Variants in NHS observed in about 807,000 individuals in gnomAD.
NHS encodes actin remodeling regulator NHS.
NHS carries 5 observed loss-of-function variants against 72.5 expected under a neutral mutation model. The observed-to-expected ratio is 0.07, with a 90% CI of 0.04 to 0.14. NHS has a LOEUF of 0.14. Ranked by LOEUF, NHS falls within the 10% of genes least tolerant of loss-of-function variation. The pLI is 1.00. For missense variants in NHS, 1,072 were observed against 1,355.7 expected (o/e 0.79, Z 3.29); for synonymous variants, 464 against 547.7 (o/e 0.85, Z 2.13).
At chrX:17,561,573 C>CACACAT (rs1569282044) in intron 1 of NHS, among the ~76,000 whole-genome samples, 1 of 72,939 alleles carries the variant, frequency 1.4e-5, no homozygotes, top group African/African-American at 6.0e-5. Context: ...CGCGCGCGCG[C>CACACAT]GCACACACAC....
chrX:17,664,126 A>G (rs1339101053), intron 1 of NHS, among the ~76,000 whole-genome samples: 2 of 111,493 alleles, frequency 1.8e-5, no homozygotes, highest in Admixed American at 1.9e-4. Context: ...TATTGCAAAT[A>G]TTTACTCCCA....
intron 3 of NHS, among the ~76,000 whole-genome samples, chrX:17,716,095 A>C (rs898533785): frequency 9.0e-6 from 1 of 111,282 alleles, no homozygotes; most frequent in Non-Finnish European, 1.9e-5. Flanking sequence ...GTGTAACCCA[A>C]GGAGACCTTA....
intron 1 of NHS, among the ~76,000 whole-genome samples, chrX:17,474,230 T>C (rs771704330): frequency 8.9e-6 from 1 of 112,150 alleles, no homozygotes; most frequent in East Asian, 2.8e-4. Context: ...TTTACTCTTG[T>C]ATGAACTGAA....
chrX:17,410,963 T>C (rs1408902650), intron 1 of NHS, among the ~76,000 whole-genome samples: 1 of 111,616 alleles, frequency 9.0e-6, no homozygotes, highest in Non-Finnish European at 1.9e-5. Flanking sequence ...TGGAGATACG[T>C]CCAACTATAA....
At chrX:17,536,775 T>C (rs1031777274) in intron 1 of NHS, among the ~76,000 whole-genome samples, 13 of 112,528 alleles carry the variant, frequency 1.2e-4, no homozygotes, top group African/African-American at 2.9e-4. Flanking sequence ...AAACTTTCTA[T>C]AAATGGGTAC....
At chrX:17,563,435 C>T (rs1248504320) in intron 1 of NHS, among the ~76,000 whole-genome samples, 1 of 112,444 alleles carries the variant, frequency 8.9e-6, no homozygotes, top group Non-Finnish European at 1.9e-5. Flanking sequence ...GGCCAACGGC[C>T]CTTCTGTTCC....
At position 17,693,765 on chromosome X, in the gene NHS, A is replaced by C. The variant is rs557476282; in HGVS notation, c.852+1297A>C. On this transcript the variant is annotated intron_variant, in intron 3 of 8. Coordinates refer to ENST00000676302, the MANE Select transcript of NHS (RefSeq NM_001291867.2). The stretch of plus-strand genomic sequence containing the variant: ...TGCACTTACTACATTGCTGCACTGC[A>C]GCCCAAGGATAAGAAAAGGAGACAA... 8.4e-4 allele frequency among the ~76,000 whole-genome samples: 95 copies of C among 113,021 alleles called. No homozygotes were observed. The South Asian group carries it at 0.012, about 15-fold the overall frequency.
chrX:17,507,752 A>G (rs762739367), intron 1 of NHS, among the ~76,000 whole-genome samples: 4 of 111,777 alleles, frequency 3.6e-5, no homozygotes, highest in Non-Finnish European at 1.9e-5. Flanking sequence ...TAGCTGAGCA[A>G]AAGGTGTGTG....
intron 1 of NHS, among the ~76,000 whole-genome samples, chrX:17,622,584 TC>T (rs757517650): frequency 3.6e-5 from 4 of 112,327 alleles, no homozygotes; most frequent in African/African-American, 1.3e-4. Flanking sequence ...AGGCCCTAGG[TC>T]CTGAGGCTGC....
intron 1 of NHS, among the ~76,000 whole-genome samples, chrX:17,385,826 T>A (rs1374764322): frequency 1.8e-5 from 2 of 112,483 alleles, no homozygotes; most frequent in African/African-American, 6.5e-5. Context: ...TCTAAAGATA[T>A]CTGTGCCTAC....
intron 1 of NHS, among the ~76,000 whole-genome samples, chrX:17,588,903 T>C (rs1392773954): frequency 8.9e-6 from 1 of 111,855 alleles, no homozygotes; most frequent in Non-Finnish European, 1.9e-5. Flanking sequence ...GAGCATGAGA[T>C]TGGGAATCAC....
Position 17,713,204 on chromosome X carries a change from G to A in NHS, c.853-6140G>A, listed in dbSNP as rs2066345264. On this transcript the variant is annotated intron_variant, in intron 3 of 8. Transcript: ENST00000676302. Reference sequence around the variant, plus strand: ...GAAGCCTTTGAGAAAGATCAAAGGAGTTCATATTTATATATGATACATCCA... The same window carrying A: ...GAAGCCTTTGAGAAAGATCAAAGGAATTCATATTTATATATGATACATCCA... Among the ~76,000 whole-genome samples the A allele has an allele frequency of 3.6e-5, 4 of 111,876 alleles. No homozygotes were observed. The South Asian group carries it at 1.5e-3, about 42-fold the overall frequency.
intron 1 of NHS, among the ~76,000 whole-genome samples, chrX:17,580,176 T>C (rs1239432349): frequency 1.0e-5 from 1 of 96,427 alleles, no homozygotes; most frequent in East Asian, 2.9e-4. Context: ...TCTCTCCAAA[T>C]GCCAGAAAAA....
chrX:17,659,858 A>C (rs753449206), intron 1 of NHS, among the ~76,000 whole-genome samples: 18 of 111,952 alleles, frequency 1.6e-4, no homozygotes, highest in Admixed American at 1.2e-3. Context: ...CACAGAGAGA[A>C]TAAATAACTT....
chrX:17,617,710 G>A (rs2065753574), intron 1 of NHS, among the ~76,000 whole-genome samples: 1 of 112,278 alleles, frequency 8.9e-6, no homozygotes, highest in Admixed American at 9.4e-5. Flanking sequence ...GGCGAGGCAT[G>A]GGGCCCTGTG....
Position 17,376,278 on chromosome X carries a change from T to A in NHS, c.521T>A (p.Val174Glu). 8.6e-7 allele frequency: 1 copy of A among 1,161,719 alleles called. No individual in the cohort carries two copies. The highest frequency in any genetic ancestry group is 1.1e-6 in the Non-Finnish European group (1 of 875,662). The change falls in exon 1 of 9, where the codon GTG (valine) becomes GAG (glutamate). Residue 174 changes from valine to glutamate, a missense_variant. Coordinates refer to ENST00000676302, the MANE Select transcript of NHS (RefSeq NM_001291867.2). ...GCGCTGCAGGGCAAGCTCGGCGGCGTGCAGCGCGTCCTCAGCACGCTTGAC... is the reference window on the plus strand; with the variant it reads ...GCGCTGCAGGGCAAGCTCGGCGGCGAGCAGCGCGTCCTCAGCACGCTTGAC... ...VWALQGKLGG[V>E]QRVLSTLDPK...
chrX:17,568,286 TC>T (rs1384756295), intron 1 of NHS, among the ~76,000 whole-genome samples: 4 of 111,803 alleles, frequency 3.6e-5, no homozygotes, highest in Admixed American at 1.9e-4. Context: ...GAGAGGGCCT[TC>T]CCCTCCACGT....
Position 17,480,930 on chromosome X carries a change from G to A in NHS, c.565+104608G>A, listed in dbSNP as rs376883939. On this transcript the variant is annotated intron_variant, in intron 1 of 8. Coordinates refer to ENST00000676302, the MANE Select transcript of NHS (RefSeq NM_001291867.2). ...CCAAGTGTATGGTCTAGAAACATGTGCCCATGACTTCCTTAGTACACGGCT... is the reference window on the plus strand; with the variant it reads ...CCAAGTGTATGGTCTAGAAACATGTACCCATGACTTCCTTAGTACACGGCT... Among the ~76,000 whole-genome samples the A allele has an allele frequency of 2.8e-4, 31 of 111,558 alleles. 1 individual carries two copies. Among genetic ancestry groups the A allele is most frequent in the African/African-American group, 9.7e-4 (30 of 30,772 alleles).
intron 1 of NHS, among the ~76,000 whole-genome samples, chrX:17,427,182 A>C (rs1569251860): frequency 9.0e-6 from 1 of 111,382 alleles, no homozygotes; most frequent in Non-Finnish European, 1.9e-5. Context: ...TCCTTAAAAG[A>C]GGTGTGGTGT....
Sources: allele counts gnomAD v4.1 joint callset (sites outside exome capture counted in the v4.1 genomes callset), GRCh38; gene constraint gnomAD v4.1.1; transcripts MANE v1.5; gene names NCBI Gene and HGNC (gene_info 2026-07-23, HGNC 2026-07-21).